PLCB4: variants seen among roughly 807,000 people sequenced by gnomAD.
The protein encoded by PLCB4 is phospholipase C beta 4.
PLCB4 carries 77 observed loss-of-function variants against 178.8 expected under a neutral mutation model. The observed-to-expected ratio is 0.43, with a 90% CI of 0.36 to 0.52. The LOEUF (loss-of-function observed/expected upper bound fraction) is 0.52. Ranked by LOEUF, PLCB4 falls within the 20% of genes least tolerant of loss-of-function variation. The pLI is 0.00. For synonymous variants in PLCB4, 496 were observed against 490.8 expected, an observed-to-expected ratio of 1.01 and a Z score of -0.14; for missense variants, 1,024 against 1,453.4, an observed-to-expected ratio of 0.70 and a Z score of 4.80.
chr20:9,334,976 C>T (rs1167083882), intron 4 of PLCB4, among the ~76,000 whole-genome samples: 2 of 152,024 alleles, frequency 1.3e-5, no homozygotes, highest in Non-Finnish European at 2.9e-5. Context: ...AAGTTGGAAA[C>T]CCATTCTTAT....
intron 2 of PLCB4, among the ~76,000 whole-genome samples, chr20:9,196,491 T>G (rs1344625524): frequency 6.6e-6 from 1 of 152,200 alleles, no homozygotes; most frequent in Non-Finnish European, 1.5e-5. Context: ...GTTGCTTCCT[T>G]GCTGGTTTCT....
chr20:9,429,926 C>T (rs1316783138), intron 28 of PLCB4, among the ~76,000 whole-genome samples: 1 of 152,192 alleles, frequency 6.6e-6, no homozygotes, highest in African/African-American at 2.4e-5. Flanking sequence ...GAACACCTGC[C>T]ACCACATGAC....
Position 9,390,586 on chromosome 20 carries a change from C to G in PLCB4, c.1294C>G (p.Leu432Val). The stretch of plus-strand genomic sequence containing the variant: ...TTGCGAAGATCTATTTGGGGATCTC[C>G]TGTTGAAACAAGCACTTGAATCACA... ...KYCEDLFGDL[L>V]LKQALESHPL... Residue 432 changes from leucine to valine, a missense_variant, in exon 17 of 40, where the codon CTG becomes GTG. Physicochemically the swap from Leu to Val is conservative, Grantham distance 32. Around this residue, in one of 7 missense-constraint regions of PLCB4, gnomAD observed 263 missense variants for 417.4 expected, o/e 0.63. Coordinates refer to ENST00000378473, the MANE Select transcript of PLCB4 (RefSeq NM_001377142.1). 1 of 1,563,960 alleles carries G rather than the reference C, an allele frequency of 6.4e-7. No homozygotes were observed. Among genetic ancestry groups the G allele is most frequent in the Non-Finnish European group, 8.8e-7 (1 of 1,134,372 alleles).
intron 2 of PLCB4, among the ~76,000 whole-genome samples, chr20:9,215,936 T>G (rs1306764060): frequency 6.6e-6 from 1 of 152,194 alleles, no homozygotes; most frequent in Admixed American, 6.5e-5. Context: ...ACCTGAGAAT[T>G]TGTTTCTATG....
At chr20:9,464,803 C>G (rs1478477391) in intron 35 of PLCB4, among the ~76,000 whole-genome samples, 3 of 151,886 alleles carry the variant, frequency 2.0e-5, no homozygotes, top group East Asian at 3.9e-4. Flanking sequence ...GCCTACCAAT[C>G]AAAAAAAGTC....
chr20:9,333,564 C>T (rs960970233), intron 4 of PLCB4, among the ~76,000 whole-genome samples: 48 of 152,106 alleles, frequency 3.2e-4, no homozygotes, highest in African/African-American at 1.2e-3. Context: ...AGGACCTTTT[C>T]GGCCAGGTAA....
intron 1 of PLCB4, among the ~76,000 whole-genome samples, chr20:9,084,013 A>G (rs2090285659): frequency 6.6e-6 from 1 of 152,258 alleles, no homozygotes; most frequent in South Asian, 2.1e-4. Context: ...AGTCCTTGTG[A>G]TACAGAAACA....
At chr20:9,165,141 C>T (rs1363560292) in intron 2 of PLCB4, among the ~76,000 whole-genome samples, 1 of 152,140 alleles carries the variant, frequency 6.6e-6, no homozygotes, top group Non-Finnish European at 1.5e-5. Context: ...AGTACAGGCA[C>T]GTGCCCGCTA....
chr20:9,427,774 T>C (rs2041126789), intron 28 of PLCB4, among the ~76,000 whole-genome samples: 1 of 152,226 alleles, frequency 6.6e-6, no homozygotes. Flanking sequence ...TATTTTATTA[T>C]TACTGAGTGA....
In PLCB4 at chr20:9,114,805, G is replaced by A. The variant is rs147306720; in HGVS notation, c.-79+18463G>A. ...TGGCTTCCTAAGATGCCTGAGTAAC[G>A]ACATTTCTTCCTGTCAAAGCACACT... On this transcript the variant is annotated intron_variant, in intron 2 of 39. Transcript: ENST00000378473. Among the ~76,000 whole-genome samples, 581 of 152,214 alleles carry A rather than the reference G, an allele frequency of 3.8e-3. 2 individuals carry two copies. Among genetic ancestry groups the A allele is most frequent in the Middle Eastern group, 0.01 (3 of 294 alleles).
chr20:9,195,370 G>C (rs181863486), intron 2 of PLCB4, among the ~76,000 whole-genome samples: 1 of 152,140 alleles, frequency 6.6e-6, no homozygotes, highest in Admixed American at 6.5e-5. Context: ...AACCTGACTC[G>C]GCTAAGGGTT....
chr20:9,118,299 AATAAT>A (rs2091849646), intron 2 of PLCB4, among the ~76,000 whole-genome samples: 1 of 66,046 alleles, frequency 1.5e-5, no homozygotes, highest in African/African-American at 6.9e-5. Flanking sequence ...CTTAAAGTAT[AATAAT>A]AAAAAAAAAA....
intron 3 of PLCB4, among the ~76,000 whole-genome samples, chr20:9,291,710 T>C (rs1020220891): frequency 6.6e-6 from 1 of 152,192 alleles, no homozygotes; most frequent in Non-Finnish European, 1.5e-5. Flanking sequence ...CATAAGGAGA[T>C]AAATGACCTT....
At chr20:9,297,786 T>C (rs899833855) in intron 3 of PLCB4, among the ~76,000 whole-genome samples, 1 of 152,120 alleles carries the variant, frequency 6.6e-6, no homozygotes, top group African/African-American at 2.4e-5. Context: ...AGCTCCTTGA[T>C]GTGTTCTAGA....
At chr20:9,344,751 C>T (rs1479225551) in intron 7 of PLCB4, among the ~76,000 whole-genome samples, 4 of 152,184 alleles carry the variant, frequency 2.6e-5, no homozygotes, top group African/African-American at 9.7e-5. Flanking sequence ...AGCGCTGCTG[C>T]TAAGAATCCA....
At chr20:9,129,279 C>A (rs1404236807) in intron 2 of PLCB4, among the ~76,000 whole-genome samples, 1 of 152,190 alleles carries the variant, frequency 6.6e-6, no homozygotes, top group Non-Finnish European at 1.5e-5. Flanking sequence ...GTCAGTCCCC[C>A]TCCCACCAAT....
intron 7 of PLCB4, 87 bp from the exon 8 acceptor site, chr20:9,362,809 A>G: frequency 1.3e-6 from 1 of 790,568 alleles, no homozygotes; most frequent in South Asian, 1.4e-5. Context: ...TTTATTACAC[A>G]AAATGGATAC....
intron 36 of PLCB4, among the ~76,000 whole-genome samples, chr20:9,469,213 T>G (rs2044011250): frequency 6.6e-6 from 1 of 152,162 alleles, no homozygotes; most frequent in Non-Finnish European, 1.5e-5. Context: ...ACTCCTGACC[T>G]CAAGTGATCT....
intron 25 of PLCB4, among the ~76,000 whole-genome samples, chr20:9,414,635 A>G (rs1481624621): frequency 1.3e-5 from 2 of 152,222 alleles, no homozygotes; most frequent in Non-Finnish European, 2.9e-5. Flanking sequence ...GCAAAACGTC[A>G]GATACCCTCC....
Sources: allele counts gnomAD v4.1 joint callset (sites outside exome capture counted in the v4.1 genomes callset), GRCh38; gene constraint gnomAD v4.1.1; regional missense constraint gnomAD v4.1.1; transcripts MANE v1.5; gene names NCBI Gene and HGNC (gene_info 2026-07-23, HGNC 2026-07-21).